Variants in MSH4 observed in about 807,000 individuals in gnomAD.
MSH4 encodes the protein mutS homolog 4, also known as mutS protein homolog 4.
A neutral mutation model predicts 113.7 loss-of-function variants in MSH4; 106 were observed. The ratio of observed to expected loss-of-function variants is 0.93; its 90% confidence interval spans 0.80 to 1.10. MSH4 has a LOEUF of 1.10. Ranked by LOEUF, MSH4 falls within the 50% of genes least tolerant of loss-of-function variation. MSH4 has a pLI of 0.00. For synonymous variants in MSH4, 368 were observed against 380.2 expected (o/e 0.97, Z 0.37); for missense variants, 1,061 against 1,093.7 (o/e 0.97, Z 0.42).
intron 7 of MSH4, among the ~76,000 whole-genome samples, chr1:75,831,315 C>G (rs1343335265): frequency 1.3e-5 from 2 of 152,126 alleles, no homozygotes; most frequent in Non-Finnish European, 2.9e-5. Context: ...TACAAAGAGA[C>G]TTAGACTCCC....
At chr1:75,894,668 T>C (rs1191227177) in intron 17 of MSH4, among the ~76,000 whole-genome samples, 2 of 152,220 alleles carry the variant, frequency 1.3e-5, no homozygotes, top group Non-Finnish European at 2.9e-5. Flanking sequence ...GCCATTATGG[T>C]ATTCCACACA....
chr1:75,885,049 G>A (rs1378270025), intron 15 of MSH4, among the ~76,000 whole-genome samples: 8,333 of 108,182 alleles, frequency 0.077, 491 homozygotes, highest in East Asian at 0.23. Flanking sequence ...GTGTGTGTGT[G>A]TGTGTGTGTG....
intron 8 of MSH4, among the ~76,000 whole-genome samples, chr1:75,853,055 C>G (rs934840649): frequency 9.9e-5 from 15 of 151,330 alleles, no homozygotes; most frequent in East Asian, 1.9e-4. Context: ...AACTATTTTT[C>G]TTTGTTTGTT....
intron 3 of MSH4, among the ~76,000 whole-genome samples, chr1:75,810,398 C>T (rs950135641): frequency 9.2e-5 from 13 of 141,800 alleles, no homozygotes; most frequent in African/African-American, 2.3e-4. Flanking sequence ...CCACCATGCT[C>T]GGGTAATTTT....
chr1:75,869,234 A>T (rs537748499), intron 9 of MSH4, among the ~76,000 whole-genome samples: 2 of 152,234 alleles, frequency 1.3e-5, no homozygotes, highest in Admixed American at 1.3e-4. Flanking sequence ...TGCCCTGGAG[A>T]TCTGTGGAAC....
At chr1:75,813,331 A>T (rs1650227574) in intron 4 of MSH4, among the ~76,000 whole-genome samples, 1 of 152,204 alleles carries the variant, frequency 6.6e-6, no homozygotes, top group African/African-American at 2.4e-5. Flanking sequence ...AATGGGGGAT[A>T]AGTCCTCCAA....
At chr1:75,864,763 T>A (rs1651526895) in intron 8 of MSH4, among the ~76,000 whole-genome samples, 1 of 152,220 alleles carries the variant, frequency 6.6e-6, no homozygotes, top group Non-Finnish European at 1.5e-5. Flanking sequence ...TACAAACATT[T>A]CTTCCCATTT....
chr1:75,907,017 T>A (rs1278461292), intron 19 of MSH4, among the ~76,000 whole-genome samples: 1 of 151,966 alleles, frequency 6.6e-6, no homozygotes, highest in Non-Finnish European at 1.5e-5. Context: ...TGTCTTATAG[T>A]CTTTATGTTA....
At chr1:75,801,568 CA>C (rs35300428) in intron 1 of MSH4, among the ~76,000 whole-genome samples, 11,855 of 112,664 alleles carry the variant, frequency 0.11, 688 homozygotes, top group African/African-American at 0.22. Context: ...AACTCCATCT[CA>C]AAAAAAAAAA....
Position 75,880,107 on chromosome 1 carries a change from G to A in MSH4, c.1735G>A (p.Glu579Lys), listed in dbSNP as rs770113603. 6.3e-6 allele frequency: 10 copies of A among 1,598,382 alleles called. No homozygotes were observed. The South Asian group carries it at 8.0e-5, about 13-fold the overall frequency. Residue 579 changes from glutamate (E) to lysine (K), a missense_variant, in exon 13 of 20, where the codon GAA (glutamate) becomes AAA (lysine). Physicochemically the swap from Glu to Lys is moderately conservative, Grantham distance 56 (BLOSUM62 1). Coordinates refer to ENST00000263187, the MANE Select transcript of MSH4 (RefSeq NM_002440.4). ...FTSADLIKMN[E>K]RCQESLREIY... is the part of the protein sequence containing the mutation. ...ATCAGCAGATTTAATTAAAATGAATGAAAGATGCCAAGAATCTTTGAGAGA... is the reference window on the plus strand; with the variant it reads ...ATCAGCAGATTTAATTAAAATGAATAAAAGATGCCAAGAATCTTTGAGAGA...
At chr1:75,849,417 AAAAAG>A (rs1347897709) in intron 8 of MSH4, among the ~76,000 whole-genome samples, 1 of 152,234 alleles carries the variant, frequency 6.6e-6, no homozygotes, top group Non-Finnish European at 1.5e-5. Flanking sequence ...CCATATGCAT[AAAAAG>A]AAAAGTCTTG....
chr1:75,892,082 G>T lies in MSH4; in HGVS notation c.2355+1258G>T, dbSNP rs192488973. Among the ~76,000 whole-genome samples, 4 of 152,208 alleles carry T rather than the reference G, an allele frequency of 2.6e-5. No homozygotes were observed. The East Asian group carries it at 7.7e-4, about 29-fold the overall frequency. ...AGATTGCCCTACCTAATGTGGGTGGGTCCCACTCAATAAATGCAAGCCTGA... is the reference window on the plus strand; with the variant it reads ...AGATTGCCCTACCTAATGTGGGTGGTTCCCACTCAATAAATGCAAGCCTGA... On this transcript the variant is annotated intron_variant, in intron 17 of 19. Transcript: ENST00000263187.
At chr1:75,906,556 T>TATAATATATAA (rs1490773521) in intron 19 of MSH4, among the ~76,000 whole-genome samples, 1 of 69,588 alleles carries the variant, frequency 1.4e-5, no homozygotes, top group Non-Finnish European at 2.6e-5. Context: ...ATATAATATA[T>TATAATATATAA]TATATATTAT....
intron 7 of MSH4, among the ~76,000 whole-genome samples, chr1:75,836,378 A>C (rs1650829642): frequency 6.8e-6 from 1 of 146,538 alleles, no homozygotes; most frequent in Non-Finnish European, 1.5e-5. Flanking sequence ...AGCTCACTGC[A>C]ACCTCTACCT....
chr1:75,888,380 T>C (rs1183531543), intron 15 of MSH4, among the ~76,000 whole-genome samples: 1 of 152,010 alleles, frequency 6.6e-6, no homozygotes. Context: ...ATCAGATTGA[T>C]TTGTTTTCAA....
chr1:75,895,294 C>A (rs1652347388), intron 17 of MSH4, among the ~76,000 whole-genome samples: 1 of 152,116 alleles, frequency 6.6e-6, no homozygotes, highest in African/African-American at 2.4e-5. Context: ...ACAGAAGATT[C>A]CTTAGGGTAT....
chr1:75,802,303 C>T (rs546592083), intron 1 of MSH4, among the ~76,000 whole-genome samples: 1 of 152,046 alleles, frequency 6.6e-6, no homozygotes, highest in Non-Finnish European at 1.5e-5. Context: ...GATGAGATGC[C>T]TGGAGATGCA....
chr1:75,900,371 G>A (rs1007766528), intron 19 of MSH4, among the ~76,000 whole-genome samples: 2 of 151,954 alleles, frequency 1.3e-5, no homozygotes, highest in East Asian at 1.9e-4. Context: ...GCATGATCTC[G>A]GCTCACTGCA....
chr1:75,857,637 G>A (rs1282892605), intron 8 of MSH4, among the ~76,000 whole-genome samples: 8 of 152,142 alleles, frequency 5.3e-5, no homozygotes, highest in African/African-American at 9.6e-5. Context: ...GTTCTGTTCC[G>A]TTGGTCTATA....
Sources: allele counts gnomAD v4.1 joint callset (sites outside exome capture counted in the v4.1 genomes callset), GRCh38; gene constraint gnomAD v4.1.1; transcripts MANE v1.5; gene names NCBI Gene and HGNC (gene_info 2026-07-23, HGNC 2026-07-21).